Variants in CHST11 observed in about 807,000 individuals in gnomAD.
CHST11 encodes carbohydrate sulfotransferase 11.
In CHST11, 9 loss-of-function variants were observed where a neutral mutation model predicts 30.4. The ratio of observed to expected loss-of-function variants is 0.30; its 90% CI spans 0.18 to 0.52. The LOEUF is 0.52. CHST11 is among the 20% of genes least tolerant of loss of function. CHST11 has a pLI of 0.97. For synonymous variants in CHST11, 152 were observed against 187.8 expected (o/e 0.81, Z 1.56); for missense variants, 348 against 460.6 (o/e 0.76, Z 2.24).
intron 2 of CHST11, among the ~76,000 whole-genome samples, chr12:104,718,171 A>T (rs2040146434): frequency 6.6e-6 from 1 of 152,186 alleles, no homozygotes; most frequent in Non-Finnish European, 1.5e-5. Flanking sequence ...TTCTCATGAC[A>T]GTCCCTTGAA....
chr12:104,493,703 A>G (rs2037772544), intron 1 of CHST11, among the ~76,000 whole-genome samples: 1 of 152,244 alleles, frequency 6.6e-6, no homozygotes, highest in Admixed American at 6.5e-5. Context: ...GTAGGCACGG[A>G]AAGACAAGAG....
At chr12:104,530,149 ACT>A (rs1325379553) in intron 1 of CHST11, among the ~76,000 whole-genome samples, 7 of 152,082 alleles carry the variant, frequency 4.6e-5, no homozygotes, top group African/African-American at 1.7e-4. Flanking sequence ...ACAGAGTGAG[ACT>A]CTGTCTCAAA....
chr12:104,507,968 T>TG (rs2037923168), intron 1 of CHST11, among the ~76,000 whole-genome samples: 1 of 152,170 alleles, frequency 6.6e-6, no homozygotes, highest in Non-Finnish European at 1.5e-5. Flanking sequence ...TGTATGGAAT[T>TG]GGGGTGTTTT....
At chr12:104,551,425 T>A (rs1202248349) in intron 1 of CHST11, among the ~76,000 whole-genome samples, 1 of 151,984 alleles carries the variant, frequency 6.6e-6, no homozygotes, top group Non-Finnish European at 1.5e-5. Flanking sequence ...TTTGTAAGCA[T>A]GTGTTGGCTA....
intron 2 of CHST11, among the ~76,000 whole-genome samples, chr12:104,648,834 G>C (rs1304464652): frequency 6.6e-6 from 1 of 152,102 alleles, no homozygotes; most frequent in Non-Finnish European, 1.5e-5. Context: ...AGAAAGATCT[G>C]AGCAGGGACT....
chr12:104,523,497 G>GA (rs1003939475), intron 1 of CHST11, among the ~76,000 whole-genome samples: 9 of 152,044 alleles, frequency 5.9e-5, no homozygotes, highest in Admixed American at 5.9e-4. Context: ...AGAGAAAGAT[G>GA]AAAAAAACCC....
chr12:104,718,185 G>A (rs2040146511), intron 2 of CHST11, among the ~76,000 whole-genome samples: 2 of 152,170 alleles, frequency 1.3e-5, no homozygotes, highest in African/African-American at 4.8e-5. Flanking sequence ...CCTTGAAGTA[G>A]TTTCAGTTGT....
chr12:104,638,012 A>G (rs753212020), intron 2 of CHST11, among the ~76,000 whole-genome samples: 3 of 152,216 alleles, frequency 2.0e-5, no homozygotes, highest in Non-Finnish European at 4.4e-5. Context: ...AGGTCCTGGC[A>G]TAGAGCAGGC....
chr12:104,654,922 C>T (rs890307687), intron 2 of CHST11, among the ~76,000 whole-genome samples: 76 of 134,050 alleles, frequency 5.7e-4, no homozygotes, highest in African/African-American at 1.9e-3. Flanking sequence ...ATAGCATCCT[C>T]ATTATAATGA....
intron 1 of CHST11, among the ~76,000 whole-genome samples, chr12:104,595,230 G>A (rs1445433492): frequency 6.6e-6 from 1 of 151,930 alleles, no homozygotes; most frequent in African/African-American, 2.4e-5. Flanking sequence ...TTTTTTGGAG[G>A]GGATGTCACT....
Position 104,595,279 on chromosome 12 carries a change from C to A in CHST11, c.119-6627C>A, listed in dbSNP as rs568869503. Among the ~76,000 whole-genome samples, 9 of 152,108 alleles carry A rather than the reference C, an allele frequency of 5.9e-5. No homozygotes were observed. In the South Asian group the frequency reaches 1.7e-3, roughly 28 times the overall value. On this transcript the variant is annotated intron_variant, in intron 1 of 2. Transcript: ENST00000303694. ...TATTAGAAAATGATAAAAACCTCAC[C>A]ACCAGGGGTTTTAAAACCCTGGTGG...
chr12:104,496,223 G>T lies in CHST11; in HGVS notation c.118+38694G>T, dbSNP rs544585913. Among the ~76,000 whole-genome samples the T allele has an allele frequency of 2.0e-5, 3 of 152,270 alleles. No homozygotes were observed. In the South Asian group the frequency reaches 6.2e-4, roughly 32 times the overall value. ...GTGTGTGTGTGGCAGTGGGGAGGAA[G>T]GTGTGTTGATGAGTTATTGTTGCAT... On this transcript the variant is annotated intron_variant, in intron 1 of 2. Transcript: ENST00000303694.
intron 1 of CHST11, among the ~76,000 whole-genome samples, chr12:104,535,781 T>C (rs1454671683): frequency 6.6e-6 from 1 of 152,226 alleles, no homozygotes; most frequent in African/African-American, 2.4e-5. Context: ...CTAAACAGTA[T>C]CATGTATTCA....
chr12:104,486,084 C>A (rs1466753647), intron 1 of CHST11, among the ~76,000 whole-genome samples: 1 of 152,222 alleles, frequency 6.6e-6, no homozygotes, highest in Non-Finnish European at 1.5e-5. Context: ...CCCTCCCAGC[C>A]TTCCCTGCCT....
intron 2 of CHST11, among the ~76,000 whole-genome samples, chr12:104,637,884 G>A (rs2039340843): frequency 2.0e-5 from 3 of 152,132 alleles, no homozygotes; most frequent in Admixed American, 1.3e-4. Context: ...CAAATCAGGT[G>A]TCCATGTCAC....
chr12:104,704,445 G>T (rs531447227), intron 2 of CHST11, among the ~76,000 whole-genome samples: 1 of 152,108 alleles, frequency 6.6e-6, no homozygotes, highest in Non-Finnish European at 1.5e-5. Context: ...GGCTCTCCCC[G>T]CCTCACCTGT....
intron 2 of CHST11, among the ~76,000 whole-genome samples, chr12:104,655,492 G>C (rs1470390848): frequency 6.6e-6 from 1 of 152,158 alleles, no homozygotes; most frequent in Non-Finnish European, 1.5e-5. Flanking sequence ...TTTCCTTTTG[G>C]GAGCAGGAGT....
At chr12:104,582,161 G>A (rs552751092) in intron 1 of CHST11, among the ~76,000 whole-genome samples, 378 of 152,244 alleles carry the variant, frequency 2.5e-3, no homozygotes, top group Non-Finnish European at 4.2e-3. Flanking sequence ...AGTGCTTTCC[G>A]CTCATGTCCT....
chr12:104,730,402 T>G (rs2040247319), intron 2 of CHST11, among the ~76,000 whole-genome samples: 1 of 152,212 alleles, frequency 6.6e-6, no homozygotes, highest in African/African-American at 2.4e-5. Context: ...ACAATAAATG[T>G]TAGCCACTGA....
Sources: gnomAD v4.1 joint callset for allele counts (sites outside exome capture counted in the v4.1 genomes callset) on GRCh38, gnomAD v4.1.1 for gene constraint, MANE v1.5 for transcripts, NCBI Gene and HGNC (gene_info 2026-07-23, HGNC 2026-07-21) for gene names.